Variants in FAM228B observed in about 807,000 individuals in gnomAD.
FAM228B encodes protein FAM228B.
In FAM228B, 38 loss-of-function variants were observed where a neutral mutation model predicts 42.6. The observed-to-expected ratio is 0.89, with a 90% CI of 0.69 to 1.17. FAM228B has a LOEUF of 1.17. Ranked by LOEUF, FAM228B falls within the 50% of genes most tolerant of loss-of-function variation. FAM228B has a pLI of 0.00. For missense variants in FAM228B, 344 were observed against 367.3 expected (o/e 0.94, Z 0.52); for synonymous variants, 109 against 122.3 (o/e 0.89, Z 0.72).
chr2:24,080,679 G>A lies in FAM228B; in HGVS notation c.-289-197G>A, dbSNP rs1664956932. The A allele has an allele frequency of 3.4e-6, 3 of 879,398 alleles. No homozygotes were observed. The highest frequency in any genetic ancestry group is 5.5e-6 in the Non-Finnish European group (3 of 544,584). 54.5% of individuals were successfully genotyped at this position (879,398 alleles called of 1,614,324 possible). ...CTGTCTCCAGTGGTCAAATACCATA[G>A]TACTAGAATTTGGCCAGGGCAGCTG... is the stretch of plus-strand genomic sequence containing the variant. On this transcript the variant is annotated intron_variant, in intron 1 of 10. Coordinates refer to the FAM228B transcript ENST00000613899. This position sits in a 1 kb window ranked among gnomAD's most constrained non-coding sequence, Gnocchi z 4.7.
chr2:24,139,500 T>C (rs1361845042), intron 5 of FAM228B, 50 bp downstream of exon 5: 1 of 1,141,232 alleles, frequency 8.8e-7, no homozygotes, highest in Admixed American at 2.1e-5. Flanking sequence ...TTTGGTTGTT[T>C]TGAGCAGCCC....
chr2:24,143,893 A>G (rs925146558), intron 5 of FAM228B, among the ~76,000 whole-genome samples: 1 of 152,038 alleles, frequency 6.6e-6, no homozygotes, highest in Non-Finnish European at 1.5e-5. Context: ...TACGCCTGTA[A>G]TCCCAGCTAC....
intron 2 of FAM228B, among the ~76,000 whole-genome samples, chr2:24,083,897 G>A (rs575967554): frequency 2.0e-5 from 3 of 152,136 alleles, no homozygotes; most frequent in Non-Finnish European, 4.4e-5. Flanking sequence ...TGGCGAACAG[G>A]GTAGCCTGGG....
rs1001425783 is a variant in FAM228B at position 24,079,785 on chromosome 2, T to G, written c.-289-1091T>G. 3 of 749,254 alleles carry G rather than the reference T, an allele frequency of 4.0e-6. No homozygotes were observed. The African/African-American group carries it at 5.3e-5, about 13-fold the overall frequency. 46.4% of individuals were successfully genotyped at this position (749,254 alleles called of 1,614,324 possible). ...AGAAACACTGCTTGAAGAACTGTTG[T>G]AAATGGAGTTTAGATAGCAGAACTC... On this transcript the variant is annotated intron_variant, in intron 1 of 10. Transcript: ENST00000613899.
chr2:24,108,743 T>C (rs1665740713), intron 3 of FAM228B, among the ~76,000 whole-genome samples: 1 of 151,544 alleles, frequency 6.6e-6, no homozygotes, highest in Non-Finnish European at 1.5e-5. Context: ...CTACTAAAAA[T>C]ACAAAAAATT....
chr2:24,101,744 G>A (rs999912860), intron 3 of FAM228B, among the ~76,000 whole-genome samples: 3 of 151,960 alleles, frequency 2.0e-5, no homozygotes, highest in South Asian at 4.1e-4. Flanking sequence ...GTGCACTGGC[G>A]CGATCTCAGC....
chr2:24,155,915 T>C (rs1042910015), intron 7 of FAM228B, among the ~76,000 whole-genome samples: 4 of 152,186 alleles, frequency 2.6e-5, no homozygotes, highest in African/African-American at 9.7e-5. Context: ...CTTCAATATA[T>C]TTTTCAAATT....
At chr2:24,154,979 C>A (rs754765006) in intron 7 of FAM228B, among the ~76,000 whole-genome samples, 1 of 152,108 alleles carries the variant, frequency 6.6e-6, no homozygotes, top group African/African-American at 2.4e-5. Context: ...AACAGAATTT[C>A]GAAACAATGG....
Position 24,084,395 on chromosome 2 carries a change from G to GC in FAM228B, c.-210+3441dup, listed in dbSNP as rs1241177234. 29 of 1,488,346 alleles carry GC rather than the reference G, an allele frequency of 1.9e-5. No individual in the cohort carries two copies. Among genetic ancestry groups the GC allele is most frequent in the Non-Finnish European group, 2.6e-5 (29 of 1,103,506 alleles). The allele number at this position is 1,488,346 out of a possible 1,614,324, so 92.2% of individuals were successfully genotyped here. The stretch of plus-strand genomic sequence containing the variant: ...GCAGGGCAGGGCAGGACAGGACAGG[G>GC]CAGGGCAGGACAGGACAGGGCAGGG... On this transcript the variant is annotated intron_variant, in intron 2 of 10. Transcript: ENST00000613899. The surrounding 1 kb of genome is among the most constrained non-coding windows in gnomAD (Gnocchi z 8.4).
intron 3 of FAM228B, among the ~76,000 whole-genome samples, chr2:24,110,907 C>T (rs749901899): frequency 6.6e-6 from 1 of 152,106 alleles, no homozygotes; most frequent in Non-Finnish European, 1.5e-5. Flanking sequence ...TACACTAACT[C>T]CAGTTAGCTA....
At chr2:24,151,273 T>C (rs2151025514) in intron 7 of FAM228B, among the ~76,000 whole-genome samples, 1 of 152,122 alleles carries the variant, frequency 6.6e-6, no homozygotes, top group East Asian at 1.9e-4. Context: ...AATTTCTGCT[T>C]GTTTTGTTTT....
At chr2:24,145,003 GC>G (rs1666859686) in intron 5 of FAM228B, among the ~76,000 whole-genome samples, 1 of 152,182 alleles carries the variant, frequency 6.6e-6, no homozygotes, top group African/African-American at 2.4e-5. Context: ...GCCTGTTGTA[GC>G]CACTGCCAAC....
intron 2 of FAM228B, among the ~76,000 whole-genome samples, chr2:24,133,832 A>G (rs1188387970): frequency 6.6e-6 from 1 of 152,194 alleles, no homozygotes; most frequent in Non-Finnish European, 1.5e-5. Context: ...GCATTGCTTG[A>G]GCTCAGGAGT....
chr2:24,107,352 CAGTATT>C (rs1456465359), intron 3 of FAM228B, among the ~76,000 whole-genome samples: 1 of 152,170 alleles, frequency 6.6e-6, no homozygotes, highest in Admixed American at 6.5e-5. Flanking sequence ...ACCCCACTGA[CAGTATT>C]AGACAGATCA....
At chr2:24,151,364 C>A (rs185872413) in intron 7 of FAM228B, among the ~76,000 whole-genome samples, 1 of 151,348 alleles carries the variant, frequency 6.6e-6, no homozygotes, top group Non-Finnish European at 1.5e-5. Flanking sequence ...GATCTTGGCT[C>A]ACTGCAACCT....
intron 3 of FAM228B, among the ~76,000 whole-genome samples, chr2:24,102,139 A>G (rs571078143): frequency 3.3e-5 from 5 of 152,296 alleles, no homozygotes; most frequent in Admixed American, 1.3e-4. Flanking sequence ...GTTGTTTTCA[A>G]TGCTCTATTA....
rs556436547 is a variant in FAM228B, at chr2:24,092,475, C to T, written c.-209-2666C>T. 6.6e-5 allele frequency among the ~76,000 whole-genome samples: 10 copies of T among 151,260 alleles called. 1 individual carries two copies. The highest frequency in any genetic ancestry group is 2.4e-4 in the African/African-American group (10 of 41,212). On this transcript the variant is annotated intron_variant, in intron 2 of 10. Transcript: ENST00000613899. The stretch of plus-strand genomic sequence containing the variant: ...CCTGTAATCCCAGCTATTCGGGAGG[C>T]GGGGCAGGAGACTCGCTTGAGCCTG...
intron 2 of FAM228B, among the ~76,000 whole-genome samples, chr2:24,086,234 C>CAAAAAAAAAAAAAAAAA (rs57641176): frequency 3.1e-5 from 2 of 63,942 alleles, no homozygotes; most frequent in African/African-American, 1.2e-4. Context: ...GACTCCGTCT[C>CAAAAAAAAAAAAAAAAA]AAAAAAAAAA....
intron 7 of FAM228B, among the ~76,000 whole-genome samples, chr2:24,152,841 A>G (rs1667055127): frequency 6.6e-6 from 1 of 152,180 alleles, no homozygotes; most frequent in Admixed American, 6.5e-5. Flanking sequence ...CTTGAAGTAA[A>G]AAAAACCTTA....
Sources: allele counts gnomAD v4.1 joint callset (sites outside exome capture counted in the v4.1 genomes callset), GRCh38; gene constraint gnomAD v4.1.1; non-coding constraint Gnocchi (gnomAD v3.1); transcripts MANE v1.5; gene names NCBI Gene and HGNC (gene_info 2026-07-23, HGNC 2026-07-21).